MLLT3: variants seen among roughly 807,000 people sequenced by gnomAD.
MLLT3 encodes the protein MLLT3 super elongation complex subunit, also known as protein AF-9.
MLLT3 carries 4 observed loss-of-function variants against 53.2 expected under a neutral mutation model. That is an observed-to-expected ratio of 0.08 (90% CI 0.04 to 0.17). The LOEUF (loss-of-function observed/expected upper bound fraction) is 0.17. Ranked by LOEUF, MLLT3 falls within the 10% of genes least tolerant of loss-of-function variation. MLLT3 has a pLI of 1.00. For missense variants in MLLT3, 569 were observed against 684.0 expected, an observed-to-expected ratio of 0.83 and a Z score of 1.87; for synonymous variants, 283 against 230.6, an observed-to-expected ratio of 1.23 and a Z score of -2.06.
At chr9:20,447,929 C>G (rs1167527689) in intron 4 of MLLT3, among the ~76,000 whole-genome samples, 194 bp downstream of exon 4, 2 of 152,026 alleles carry the variant, frequency 1.3e-5, no homozygotes, top group Admixed American at 6.6e-5. Context: ...CAAACTTAAG[C>G]CTATCTAAAA....
intron 2 of MLLT3, among the ~76,000 whole-genome samples, chr9:20,529,724 C>CTTTTTTTT (rs5896896): frequency 1.3e-5 from 1 of 76,416 alleles, no homozygotes; most frequent in Non-Finnish European, 2.4e-5. Context: ...TAATCCAATC[C>CTTTTTTTT]TTTTTTTTTT....
At position 20,621,244 on chromosome 9, in the gene MLLT3, G is replaced by A. The variant is rs573251305; in HGVS notation, c.13-410C>T. 9.5e-4 allele frequency among the ~76,000 whole-genome samples: 144 copies of A among 152,322 alleles called. No individual in the cohort carries two copies. Among genetic ancestry groups the A allele is most frequent in the African/African-American group, 3.2e-3 (132 of 41,592 alleles). On this transcript the variant is annotated intron_variant, in intron 1 of 10. Transcript: ENST00000380338. The surrounding 1 kb of genome is among the most constrained non-coding windows in gnomAD (Gnocchi z 7.0). Reference sequence around the variant, plus strand: ...GGCTGGGACCCAGGGGGACCGAAGGGCTCCTGGCGAGCCCCCTCCCCGAAA... The same window carrying A: ...GGCTGGGACCCAGGGGGACCGAAGGACTCCTGGCGAGCCCCCTCCCCGAAA...
intron 2 of MLLT3, among the ~76,000 whole-genome samples, chr9:20,529,037 A>G (rs768622992): frequency 2.0e-5 from 3 of 152,238 alleles, no homozygotes; most frequent in Non-Finnish European, 4.4e-5. Context: ...ACAGATGTCT[A>G]TTAGTAGTGA....
chr9:20,343,096 T>C lies in MLLT3; in HGVS notation c.*3347A>G, dbSNP rs570316711. On this transcript the variant is annotated 3_prime_UTR_variant, in exon 11 of 11. Transcript: ENST00000380338. ...AATATATTAACTACATTTGTGGAGCTTGAAGTAGTAAATAGGATGTTATAC... is the reference window on the plus strand; with the variant it reads ...AATATATTAACTACATTTGTGGAGCCTGAAGTAGTAAATAGGATGTTATAC... 7 of 176,898 alleles carry C rather than the reference T, an allele frequency of 4.0e-5. No homozygotes were observed. Among genetic ancestry groups the C allele is most frequent in the African/African-American group, 1.3e-4 (5 of 39,598 alleles). 11.0% of individuals were successfully genotyped at this position (176,898 alleles called of 1,614,324 possible). A position where few individuals can be genotyped will look rare whatever the true frequency, so the allele number is the denominator to read the frequency against.
intron 2 of MLLT3, among the ~76,000 whole-genome samples, chr9:20,490,471 T>C (rs1371270546): frequency 6.6e-6 from 1 of 152,212 alleles, no homozygotes; most frequent in Non-Finnish European, 1.5e-5. Context: ...TGCTGAGGGA[T>C]GGCCCAGCTA....
intron 2 of MLLT3, among the ~76,000 whole-genome samples, chr9:20,595,902 G>T (rs534074803): frequency 9.8e-5 from 15 of 152,320 alleles, no homozygotes; most frequent in African/African-American, 3.1e-4. Flanking sequence ...CAATACGGCA[G>T]CCACTAGCTA....
intron 2 of MLLT3, among the ~76,000 whole-genome samples, chr9:20,583,006 C>T (rs1819840671): frequency 6.6e-6 from 1 of 152,142 alleles, no homozygotes; most frequent in African/African-American, 2.4e-5. Context: ...CAAAAGTCCA[C>T]AGTCCAAAGT....
chr9:20,568,121 G>C (rs529210468), intron 2 of MLLT3, among the ~76,000 whole-genome samples: 9 of 152,070 alleles, frequency 5.9e-5, no homozygotes, highest in Admixed American at 3.9e-4. Flanking sequence ...ACTGTGATAC[G>C]TAACATTTTA....
chr9:20,579,416 T>TTA (rs1331421015), intron 2 of MLLT3, among the ~76,000 whole-genome samples: 1 of 151,252 alleles, frequency 6.6e-6, no homozygotes, highest in Admixed American at 6.6e-5. Context: ...GAAATGAAAA[T>TTA]TATATATATA....
chr9:20,543,221 A>G (rs924541370), intron 2 of MLLT3, among the ~76,000 whole-genome samples: 1 of 152,134 alleles, frequency 6.6e-6, no homozygotes, highest in Non-Finnish European at 1.5e-5. Context: ...CCTGCAAGAA[A>G]TTTTCCTTCA....
At chr9:20,561,410 G>C (rs1371436236) in intron 2 of MLLT3, among the ~76,000 whole-genome samples, 11 of 152,034 alleles carry the variant, frequency 7.2e-5, no homozygotes, top group Non-Finnish European at 1.5e-5. Flanking sequence ...AAACTTTTCT[G>C]ATTAAGAAAA....
intron 5 of MLLT3, among the ~76,000 whole-genome samples, chr9:20,407,776 A>G (rs1436361051): frequency 6.6e-6 from 1 of 152,106 alleles, no homozygotes; most frequent in Non-Finnish European, 1.5e-5. Context: ...TAATAATAAT[A>G]ATACCTATTT....
intron 5 of MLLT3, among the ~76,000 whole-genome samples, chr9:20,391,961 TAAAGAA>T (rs1822194359): frequency 6.6e-6 from 1 of 152,092 alleles, no homozygotes. Flanking sequence ...AGAAAACAAC[TAAAGAA>T]AAAGACAAAA....
intron 5 of MLLT3, among the ~76,000 whole-genome samples, chr9:20,368,059 T>G (rs1262311733): frequency 6.6e-6 from 1 of 152,222 alleles, no homozygotes; most frequent in South Asian, 2.1e-4. Context: ...GCAGGCGGCC[T>G]ACCAACCCTT....
At chr9:20,541,709 C>G (rs1056190959) in intron 2 of MLLT3, among the ~76,000 whole-genome samples, 1 of 152,208 alleles carries the variant, frequency 6.6e-6, no homozygotes, top group East Asian at 1.9e-4. Context: ...GAGCCAAACC[C>G]TATCAAGTAG....
chr9:20,377,285 G>A (rs1363644817), intron 5 of MLLT3, among the ~76,000 whole-genome samples: 2 of 152,148 alleles, frequency 1.3e-5, no homozygotes, highest in Non-Finnish European at 2.9e-5. Context: ...ACCCTCCTGT[G>A]CAGAGCATAA....
chr9:20,508,515 C>A lies in MLLT3; in HGVS notation c.194-51729G>T, dbSNP rs114310313. On this transcript the variant is annotated intron_variant, in intron 2 of 10. Transcript: ENST00000380338. ...CCCCAGTCATAACTGTAGGGAGGAA[C>A]TGAAAGTAAATCTTAGAGGTAAAGA... is the stretch of plus-strand genomic sequence containing the variant. Among the ~76,000 whole-genome samples, 6 of 152,158 alleles carry A rather than the reference C, an allele frequency of 3.9e-5. No homozygotes were observed. The South Asian group carries it at 8.3e-4, about 21-fold the overall frequency.
At chr9:20,599,726 A>G (rs1418250563) in intron 2 of MLLT3, among the ~76,000 whole-genome samples, 2 of 152,222 alleles carry the variant, frequency 1.3e-5, no homozygotes, top group Admixed American at 6.5e-5. Flanking sequence ...TCTATCATCC[A>G]AAGAGCAATA....
chr9:20,504,582 T>C (rs1825337061), intron 2 of MLLT3, among the ~76,000 whole-genome samples: 1 of 151,896 alleles, frequency 6.6e-6, no homozygotes, highest in Non-Finnish European at 1.5e-5. Flanking sequence ...TGGTGGTGGG[T>C]GGGGGCAGGT....
Sources: gnomAD v4.1 joint callset for allele counts (sites outside exome capture counted in the v4.1 genomes callset) on GRCh38, gnomAD v4.1.1 for gene constraint, Gnocchi (gnomAD v3.1) non-coding constraint, MANE v1.5 for transcripts, NCBI Gene and HGNC (gene_info 2026-07-23, HGNC 2026-07-21) for gene names.